Variants in PRELID2 observed in about 807,000 individuals in gnomAD.
PRELID2 encodes the protein PRELI domain containing 2.
In PRELID2, 25 loss-of-function variants were observed where a neutral mutation model predicts 28.4. The observed-to-expected ratio is 0.88, with a 90% CI of 0.64 to 1.23. The LOEUF is 1.23. Among genes scored for constraint, PRELID2 ranks in the 50% most tolerant of loss-of-function variants. PRELID2 has a pLI of 0.00. For synonymous variants in PRELID2, 76 were observed against 71.6 expected (o/e 1.06, Z -0.31); for missense variants, 201 against 214.4 (o/e 0.94, Z 0.39).
chr5:145,649,140 T>C (rs962351085), intron 1 of PRELID2, among the ~76,000 whole-genome samples: 11 of 152,104 alleles, frequency 7.2e-5, no homozygotes, highest in African/African-American at 2.4e-4. Flanking sequence ...ATAAAAACAA[T>C]ACAGTATAAC....
At chr5:145,397,334 CAT>C in the PRELID2 span, among the ~76,000 whole-genome samples, 1 of 152,072 alleles carries the variant, frequency 6.6e-6, no homozygotes, top group Non-Finnish European at 1.5e-5. Context: ...CCCAGGGTAA[CAT>C]ATTTTGACAA....
chr5:145,341,119 A>G, the PRELID2 span, among the ~76,000 whole-genome samples: 1 of 152,056 alleles, frequency 6.6e-6, no homozygotes, highest in Non-Finnish European at 1.5e-5. Context: ...CCACTATGAA[A>G]AGAAATCCAA....
intron 1 of PRELID2, among the ~76,000 whole-genome samples, chr5:145,734,519 A>C (rs1475882569): frequency 6.6e-6 from 1 of 152,222 alleles, no homozygotes; most frequent in African/African-American, 2.4e-5. Flanking sequence ...TCAACTTTTG[A>C]GACCAAAAGT....
the PRELID2 span, among the ~76,000 whole-genome samples, chr5:145,383,423 G>A: frequency 6.7e-6 from 1 of 149,928 alleles, no homozygotes; most frequent in African/African-American, 2.4e-5. Context: ...TGAGAAAGCT[G>A]AAATACATTA....
chr5:145,533,950 A>C (rs1357362877), intron 1 of PRELID2, among the ~76,000 whole-genome samples: 1 of 152,070 alleles, frequency 6.6e-6, no homozygotes, highest in Non-Finnish European at 1.5e-5. Context: ...CAGCTGGTAA[A>C]CTTATCAGCC....
chr5:145,753,257 T>C (rs338886), downstream of PRELID2, among the ~76,000 whole-genome samples: 119,964 of 152,058 alleles, frequency 0.79, 48,438 homozygotes, highest in East Asian at 0.88. Flanking sequence ...TAGCACAGCA[T>C]GCAGTCCACA....
At chr5:145,622,867 A>G (rs546424401) in intron 1 of PRELID2, among the ~76,000 whole-genome samples, 1 of 152,232 alleles carries the variant, frequency 6.6e-6, no homozygotes, top group Admixed American at 6.5e-5. Context: ...AAAAGAATCT[A>G]TGAACACATT....
chr5:145,405,730 T>C, the PRELID2 span, among the ~76,000 whole-genome samples: 1 of 139,938 alleles, frequency 7.1e-6, no homozygotes, highest in African/African-American at 2.7e-5. Context: ...TTTTTTGGTG[T>C]AGTCTTCCTC....
At chr5:145,578,006 T>G (rs940708851) in intron 1 of PRELID2, among the ~76,000 whole-genome samples, 1 of 152,082 alleles carries the variant, frequency 6.6e-6, no homozygotes, top group Non-Finnish European at 1.5e-5. Flanking sequence ...GGGATCCTCC[T>G]CTCAATCCAT....
At chr5:145,741,936 T>G (rs1352388497) in intron 1 of PRELID2, among the ~76,000 whole-genome samples, 1 of 37,580 alleles carries the variant, frequency 2.7e-5, no homozygotes, top group Non-Finnish European at 6.6e-5. Flanking sequence ...AAATTTATTA[T>G]AAATAAATAA....
At chr5:145,466,570 GATAA>G in the PRELID2 span, among the ~76,000 whole-genome samples, 1 of 152,058 alleles carries the variant, frequency 6.6e-6, no homozygotes, top group South Asian at 2.1e-4. Flanking sequence ...CAAGGCAATA[GATAA>G]ATAGTTTATC....
the PRELID2 span, among the ~76,000 whole-genome samples, chr5:145,367,671 C>T: frequency 1.3e-5 from 2 of 151,970 alleles, no homozygotes; most frequent in African/African-American, 2.4e-5. Flanking sequence ...CACAGTTTTG[C>T]CTTTTCCATA....
chr5:145,597,572 T>C (rs1235121460), intron 1 of PRELID2, among the ~76,000 whole-genome samples: 1 of 152,196 alleles, frequency 6.6e-6, no homozygotes, highest in East Asian at 1.9e-4. Context: ...GAAGGCAATT[T>C]CAGATACTTC....
chr5:145,394,220 G>A, the PRELID2 span, among the ~76,000 whole-genome samples: 1 of 152,046 alleles, frequency 6.6e-6, no homozygotes, highest in Non-Finnish European at 1.5e-5. Context: ...AGAAAATTTG[G>A]CACATATACA....
intron 6 of PRELID2, among the ~76,000 whole-genome samples, chr5:145,763,470 A>G (rs1309934849): frequency 6.6e-6 from 1 of 152,268 alleles, no homozygotes; most frequent in Admixed American, 6.5e-5. Context: ...TTAAGTATAC[A>G]GAGGTTTCAT....
At chr5:145,424,965 T>C in the PRELID2 span, among the ~76,000 whole-genome samples, 15 of 151,972 alleles carry the variant, frequency 9.9e-5, no homozygotes, top group South Asian at 2.9e-3. Context: ...AAAGAAACTA[T>C]CATCAGAGTG....
chr5:145,515,507 T>C (rs1752507706), intron 1 of PRELID2, among the ~76,000 whole-genome samples: 1 of 152,132 alleles, frequency 6.6e-6, no homozygotes, highest in Admixed American at 6.5e-5. Context: ...ATTAATAGCC[T>C]ACCAAACAAA....
the PRELID2 span, among the ~76,000 whole-genome samples, chr5:145,264,497 G>A: frequency 9.2e-5 from 14 of 152,018 alleles, no homozygotes; most frequent in South Asian, 2.1e-4. Flanking sequence ...AAATCTTAAC[G>A]TAATAAAAGC....
intron 4 of PRELID2, among the ~76,000 whole-genome samples, chr5:145,800,301 T>TACACACACACACACAC (rs10555229): frequency 7.2e-6 from 1 of 138,480 alleles, no homozygotes; most frequent in East Asian, 2.1e-4. Context: ...CCCCTTCTCT[T>TACACACACACACACAC]ACACACACAC....
Sources: gnomAD v4.1 joint callset for allele counts (sites outside exome capture counted in the v4.1 genomes callset) on GRCh38, gnomAD v4.1.1 for gene constraint, MANE v1.5 for transcripts, NCBI Gene and HGNC (gene_info 2026-07-23, HGNC 2026-07-21) for gene names.